ULK4: variants seen among roughly 807,000 people sequenced by gnomAD.
ULK4 encodes unc-51 like kinase 4.
In ULK4, 133 loss-of-function variants were observed where a neutral mutation model predicts 160.6. The observed-to-expected ratio is 0.83, with a 90% CI of 0.72 to 0.96. The LOEUF (loss-of-function observed/expected upper bound fraction) is 0.96. Among genes scored for constraint, ULK4 ranks in the 40% least tolerant of loss-of-function variants. ULK4 has a pLI of 0.00. For synonymous variants in ULK4, 534 were observed against 539.8 expected (o/e 0.99, Z 0.15); for missense variants, 1,580 against 1,499.5 (o/e 1.05, Z -0.89).
At chr3:41,936,231 A>G (rs921081212) in intron 3 of ULK4, among the ~76,000 whole-genome samples, 1 of 152,218 alleles carries the variant, frequency 6.6e-6, no homozygotes, top group Admixed American at 6.5e-5. Context: ...TATAAATACT[A>G]ATGGTAAATA....
intron 21 of ULK4, among the ~76,000 whole-genome samples, chr3:41,780,692 T>C (rs759437237): frequency 5.3e-5 from 8 of 152,176 alleles, no homozygotes; most frequent in Non-Finnish European, 1.0e-4. Context: ...AACAACTCCA[T>C]AGCCATAGCT....
intron 35 of ULK4, among the ~76,000 whole-genome samples, chr3:41,289,671 C>T (rs1189314794): frequency 2.6e-5 from 4 of 152,090 alleles, no homozygotes; most frequent in Admixed American, 1.3e-4. Context: ...AATCTCGGGG[C>T]CTATTCATCC....
intron 21 of ULK4, among the ~76,000 whole-genome samples, chr3:41,757,314 A>T (rs1013096138): frequency 4.6e-5 from 7 of 152,182 alleles, no homozygotes; most frequent in African/African-American, 1.7e-4. Context: ...ACGAAAAATG[A>T]AAATCAAAAA....
At chr3:41,527,198 C>A (rs2086148420) in intron 32 of ULK4, among the ~76,000 whole-genome samples, 1 of 152,212 alleles carries the variant, frequency 6.6e-6, no homozygotes, top group Non-Finnish European at 1.5e-5. Context: ...ACACACAGGA[C>A]ATGCTCTACA....
chr3:41,484,685 CTT>C (rs1491176174), intron 32 of ULK4, among the ~76,000 whole-genome samples: 30 of 152,170 alleles, frequency 2.0e-4, no homozygotes, highest in African/African-American at 7.0e-4. Context: ...ATCTCCTGAC[CTT>C]ATGATCCGCC....
intron 35 of ULK4, among the ~76,000 whole-genome samples, chr3:41,297,226 G>A (rs1423464338): frequency 3.9e-5 from 6 of 152,186 alleles, no homozygotes; most frequent in African/African-American, 1.4e-4. Flanking sequence ...TATTTACTGT[G>A]CATGGGCTTT....
intron 1 of ULK4, among the ~76,000 whole-genome samples, chr3:41,959,504 G>A (rs1022753209): frequency 1.3e-5 from 2 of 151,986 alleles, no homozygotes; most frequent in African/African-American, 4.8e-5. Context: ...CAGCCTGGGT[G>A]ACAAGAGACT....
chr3:41,477,597 G>C (rs1373228195), intron 32 of ULK4, among the ~76,000 whole-genome samples: 1 of 152,210 alleles, frequency 6.6e-6, no homozygotes, highest in African/African-American at 2.4e-5. Flanking sequence ...TTCCCAAACT[G>C]ATCAATGATT....
At chr3:41,272,343 G>GTT (rs3038324) in intron 35 of ULK4, among the ~76,000 whole-genome samples, 110 of 95,350 alleles carry the variant, frequency 1.2e-3, no homozygotes, top group East Asian at 2.2e-3. Context: ...AATTTTGAAA[G>GTT]TTTTTTTTTT....
At chr3:41,805,953 G>T in intron 19 of ULK4, among the ~76,000 whole-genome samples, 1 of 144,450 alleles carries the variant, frequency 6.9e-6, no homozygotes. Flanking sequence ...CTCTTTTTTG[G>T]TTGTGTCTCT....
intron 12 of ULK4, among the ~76,000 whole-genome samples, chr3:41,906,798 T>TCA (rs1698580216): frequency 1.3e-5 from 2 of 152,048 alleles, no homozygotes; most frequent in South Asian, 4.2e-4. Context: ...ATCAAGACCA[T>TCA]CATGGTCAAC....
chr3:41,729,271 G>A (rs1386887604), intron 22 of ULK4, among the ~76,000 whole-genome samples: 1 of 152,188 alleles, frequency 6.6e-6, no homozygotes, highest in South Asian at 2.1e-4. Context: ...GGAGCCCCCA[G>A]TAGCTCCCAC....
At chr3:41,824,071 G>C (rs2041247389) in intron 18 of ULK4, among the ~76,000 whole-genome samples, 1 of 149,506 alleles carries the variant, frequency 6.7e-6, no homozygotes, top group South Asian at 2.1e-4. Context: ...GCTGAAACAG[G>C]AGAATTGCTT....
At chr3:41,871,025 C>T (rs1697070368) in intron 17 of ULK4, among the ~76,000 whole-genome samples, 2 of 152,164 alleles carry the variant, frequency 1.3e-5, no homozygotes, top group South Asian at 4.1e-4. Context: ...CTCATTCTCT[C>T]CTCCCGCCAT....
At chr3:41,348,410 G>C (rs1189232140) in intron 35 of ULK4, among the ~76,000 whole-genome samples, 1 of 152,036 alleles carries the variant, frequency 6.6e-6, no homozygotes, top group Non-Finnish European at 1.5e-5. Context: ...ACCAAGTGCA[G>C]GGTTTGTGCA....
At chr3:41,254,174 C>G (rs1207476000) in intron 35 of ULK4, among the ~76,000 whole-genome samples, 1 of 152,092 alleles carries the variant, frequency 6.6e-6, no homozygotes, top group Non-Finnish European at 1.5e-5. Context: ...ATCACTGATC[C>G]CATCAACAAC....
intron 21 of ULK4, among the ~76,000 whole-genome samples, chr3:41,784,382 C>T (rs1382211911): frequency 2.0e-5 from 3 of 151,990 alleles, no homozygotes; most frequent in African/African-American, 2.4e-5. Context: ...TGCGGTGAGC[C>T]GAGATCACTC....
Position 41,754,485 on chromosome 3 carries a change from A to C in ULK4, c.2197T>G (p.Phe733Val), listed in dbSNP as rs1407762477. The C allele has an allele frequency of 6.2e-7, 1 of 1,609,356 alleles. No homozygotes were observed. Among genetic ancestry groups the C allele is most frequent in the Non-Finnish European group, 8.5e-7 (1 of 1,178,780 alleles). ...HLQRLIQEKG[F>V]VSTIIRLLDS... ...AGTAAACGGATAATTGTGGAGACAA[A>C]ACCCTGTAGAAGACATTTAAACAAT... is the stretch of plus-strand genomic sequence containing the variant. The change falls in exon 22 of 37, where the codon TTT becomes GTT. Residue 733 changes from phenylalanine (F) to valine (V), a missense_variant. By Grantham distance (50) the Phe-to-Val change is conservative. Coordinates refer to ENST00000301831, the MANE Select transcript of ULK4 (RefSeq NM_017886.4).
At chr3:41,617,596 A>C (rs1298859030) in intron 30 of ULK4, among the ~76,000 whole-genome samples, 7 of 152,302 alleles carry the variant, frequency 4.6e-5, no homozygotes, top group Admixed American at 3.3e-4. Flanking sequence ...AAAAACCCCC[A>C]CACAAAAACC....
Sources: allele counts gnomAD v4.1 joint callset (sites outside exome capture counted in the v4.1 genomes callset), GRCh38; gene constraint gnomAD v4.1.1; transcripts MANE v1.5; gene names NCBI Gene and HGNC (gene_info 2026-07-23, HGNC 2026-07-21).